Variants in TRPM1 observed in about 807,000 individuals in gnomAD.
TRPM1 encodes TRPM1-203 APA Isoform, Intron 10.
Under a neutral mutation model 149.4 loss-of-function variants are expected in TRPM1, and 113 were observed. The observed-to-expected ratio is 0.76, with a 90% confidence interval of 0.65 to 0.88. The LOEUF (loss-of-function observed/expected upper bound fraction) is 0.88. Among genes scored for constraint, TRPM1 ranks in the 40% least tolerant of loss-of-function variants. The pLI is 0.00. For synonymous variants in TRPM1, 741 were observed against 759.5 expected, an observed-to-expected ratio of 0.98 and a Z score of 0.40; for missense variants, 1,976 against 2,038.7, an observed-to-expected ratio of 0.97 and a Z score of 0.59.
At chr15:31,053,795 A>G (rs1473729672) in intron 11 of TRPM1, among the ~76,000 whole-genome samples, 2 of 152,264 alleles carry the variant, frequency 1.3e-5, no homozygotes, top group African/African-American at 4.8e-5. Flanking sequence ...GTACACCTAC[A>G]TTCATAGCAG....
intron 1 of TRPM1, among the ~76,000 whole-genome samples, chr15:31,154,201 C>T (rs752994571): frequency 2.6e-4 from 40 of 152,170 alleles, no homozygotes; most frequent in Non-Finnish European, 4.4e-4. Flanking sequence ...TTTTTATTGC[C>T]TTGTATGAAA....
upstream of TRPM1, among the ~76,000 whole-genome samples, chr15:31,105,185 C>T (rs1435385351): frequency 6.6e-6 from 1 of 152,096 alleles, no homozygotes; most frequent in Non-Finnish European, 1.5e-5. Context: ...TCACATGGTC[C>T]CAGTTTCACA....
chr15:31,015,850 G>A (rs2140883723), intron 27 of TRPM1, among the ~76,000 whole-genome samples: 1 of 152,222 alleles, frequency 6.6e-6, no homozygotes, highest in South Asian at 2.1e-4. Context: ...CAAAGCTCTT[G>A]AGAATCTGCC....
Position 31,068,379 on chromosome 15 carries a change from G to A in TRPM1, c.280-287C>T, listed in dbSNP as rs139649149. Among the ~76,000 whole-genome samples, 223 of 152,242 alleles carry A rather than the reference G, an allele frequency of 1.5e-3. 2 individuals are homozygous for A. The highest frequency in any genetic ancestry group is 0.013 in the Admixed American group (199 of 15,292). ...GATTCCCAATGCAATAGTGTTAAGA[G>A]GTGGGATGTTAGAAGGTGATTACGT... On this transcript the variant is annotated intron_variant, in intron 4 of 27. Transcript: ENST00000256552.
intron 3 of TRPM1, among the ~76,000 whole-genome samples, chr15:31,076,539 C>T (rs577162930): frequency 6.4e-4 from 97 of 152,286 alleles, no homozygotes; most frequent in African/African-American, 2.3e-3. Context: ...CAGATCTTTC[C>T]TGTGATGGAA....
intron 1 of TRPM1, among the ~76,000 whole-genome samples, chr15:31,107,863 CTT>C (rs1274420865): frequency 3.5e-5 from 5 of 143,656 alleles, no homozygotes; most frequent in Admixed American, 7.0e-5. Context: ...CTTTTCTTTT[CTT>C]TTTTTTTTTT....
intron 1 of TRPM1, among the ~76,000 whole-genome samples, chr15:31,118,522 A>T (rs2035833232): frequency 6.6e-6 from 1 of 152,138 alleles, no homozygotes; most frequent in African/African-American, 2.4e-5. Context: ...AAAAAAAAAC[A>T]AGATGGCTTA....
Position 31,069,782 on chromosome 15 carries a change from G to T in TRPM1, c.279+249C>A. ...TGTTTGCAGGGTTGGGCCAGAGCCTGGTTTGTGGATTCAGAGCTTTGGTAT... is the reference window on the plus strand; with the variant it reads ...TGTTTGCAGGGTTGGGCCAGAGCCTTGTTTGTGGATTCAGAGCTTTGGTAT... On this transcript the variant is annotated intron_variant, in intron 4 of 27. Transcript: ENST00000256552. 3 of 1,457,640 alleles carry T rather than the reference G, an allele frequency of 2.1e-6. No homozygotes were observed. The South Asian group carries it at 4.3e-5, about 21-fold the overall frequency. 90.3% of individuals were successfully genotyped at this position (1,457,640 alleles called of 1,614,324 possible).
At chr15:31,139,904 C>A (rs1052132157) in intron 1 of TRPM1, among the ~76,000 whole-genome samples, 10 of 152,166 alleles carry the variant, frequency 6.6e-5, no homozygotes, top group Admixed American at 2.0e-4. Context: ...ATTTTAAAAT[C>A]TTTTTCAGTA....
rs1429404625 is a variant in TRPM1 at position 31,032,782 on chromosome 15, G to A, written c.2859C>T (p.Tyr953=). The stretch of plus-strand genomic sequence containing the variant: ...TGTACCAGAAGATGATATCCACACA[G>A]TAGATCACCCGGCCATAGCCCATGT... ...QPYMGYGRVI[Y]CVDIIFWYIR... Residue 953 remains tyrosine (Y), a synonymous_variant, in exon 22 of 28, where the codon TAC becomes TAT. Coordinates refer to ENST00000256552, the MANE Select transcript of TRPM1 (RefSeq NM_001252024.2). 2 of 1,614,038 alleles carry A rather than the reference G, an allele frequency of 1.2e-6. No individual in the cohort carries two copies. Among genetic ancestry groups the A allele is most frequent in the Non-Finnish European group, 1.7e-6 (2 of 1,180,034 alleles).
chr15:31,148,171 C>T (rs2036247012), intron 1 of TRPM1, among the ~76,000 whole-genome samples: 1 of 152,172 alleles, frequency 6.6e-6, no homozygotes, highest in Non-Finnish European at 1.5e-5. Context: ...TCCAGGCTGA[C>T]CCCAAGGGTC....
At position 31,042,017 on chromosome 15, in the gene TRPM1, A is replaced by C. The variant is rs1487320396; in HGVS notation, c.2021T>G (p.Met674Arg). The change falls in exon 17 of 28, where the codon ATG (methionine) becomes AGG (arginine). Residue 674 changes from methionine (M) to arginine (R), a missense_variant. Physicochemically the swap from Met to Arg is moderately conservative, Grantham distance 91 (BLOSUM62 -1). Around this residue, in one of 3 missense-constraint regions of TRPM1, gnomAD observed 1,332 missense variants for 1,347.1 expected, o/e 0.99. Transcript: ENST00000256552. ...ATCACTCTCGGAGGACTCGTGGGCC[A>C]TGGCCTTGTAGAGCTTGCAGGCCAC... ...ALVACKLYKAMAHESSESDLV... is the reference protein window; with the variant it reads ...ALVACKLYKARAHESSESDLV... 1 of 1,614,164 alleles carries C rather than the reference A, an allele frequency of 6.2e-7. No individual in the cohort carries two copies. The highest frequency in any genetic ancestry group is 2.2e-5 in the East Asian group (1 of 44,880).
chr15:31,078,756 C>A (rs887738851), intron 2 of TRPM1, among the ~76,000 whole-genome samples: 3 of 152,326 alleles, frequency 2.0e-5, no homozygotes, highest in South Asian at 4.1e-4. Flanking sequence ...AGAAACTGTG[C>A]TTTTCCCCTT....
chr15:31,069,366 T>C (rs918602955), intron 4 of TRPM1: 1 of 963,926 alleles, frequency 1.0e-6, no homozygotes. Context: ...AGGGTGCCAT[T>C]TCAGAAGACT....
At chr15:31,113,892 T>G (rs192551440) in intron 1 of TRPM1, among the ~76,000 whole-genome samples, 5 of 152,334 alleles carry the variant, frequency 3.3e-5, no homozygotes, top group Admixed American at 6.5e-5. Context: ...TTGACTTTGC[T>G]GGCTAACGGG....
At chr15:31,007,099 G>C (rs2032018075) in intron 27 of TRPM1, among the ~76,000 whole-genome samples, 1 of 152,062 alleles carries the variant, frequency 6.6e-6, no homozygotes, top group South Asian at 2.1e-4. Context: ...AAGTTGTGAA[G>C]ATTTTCTCTT....
chr15:31,135,822 T>G (rs766196623), intron 1 of TRPM1, among the ~76,000 whole-genome samples: 39 of 152,058 alleles, frequency 2.6e-4, no homozygotes, highest in Non-Finnish European at 1.0e-4. Context: ...TCTTCCACCA[T>G]GAGTGGAGGC....
intron 11 of TRPM1, among the ~76,000 whole-genome samples, chr15:31,056,156 G>A (rs770765846): frequency 2.0e-5 from 3 of 152,228 alleles, no homozygotes; most frequent in Non-Finnish European, 2.9e-5. Context: ...ATAAAAAACC[G>A]AAAATGGACG....
intron 21 of TRPM1, 133 bp downstream of exon 21, chr15:31,035,413 T>C: frequency 7.6e-7 from 1 of 1,319,116 alleles, no homozygotes; most frequent in Non-Finnish European, 1.1e-6. Flanking sequence ...CCCAGAGTGC[T>C]GGGATTACAG....
Sources: allele counts gnomAD v4.1 joint callset (sites outside exome capture counted in the v4.1 genomes callset), GRCh38; gene constraint gnomAD v4.1.1; regional missense constraint gnomAD v4.1.1; transcripts MANE v1.5; gene names NCBI Gene and HGNC (gene_info 2026-07-23, HGNC 2026-07-21).